The following QKI variants were observed in gnomAD, a reference collection of about 807,000 sequenced individuals.
QKI encodes the protein KH domain-containing RNA-binding protein QKI.
A neutral mutation model predicts 39.0 loss-of-function variants in QKI; 10 were observed. The ratio of observed to expected loss-of-function variants is 0.26; its 90% CI spans 0.16 to 0.43. The LOEUF (loss-of-function observed/expected upper bound fraction) is 0.43, where lower values mean the gene tolerates loss of function less well. QKI is among the 20% of genes least tolerant of loss of function. The probability of loss-of-function intolerance (pLI) is 1.00; values close to 1 mark genes in which losing one functional copy is unlikely to be tolerated. For synonymous variants in QKI, 204 were observed against 155.4 expected (o/e 1.31, Z -2.33); for missense variants, 218 against 428.0 (o/e 0.51, Z 4.33).
At chr6:163,554,667 G>A (rs534786191) in intron 4 of QKI, among the ~76,000 whole-genome samples, 13 of 152,146 alleles carry the variant, frequency 8.5e-5, no homozygotes, top group South Asian at 6.2e-4. Context: ...TGGAGCCACC[G>A]TCTACTTTAT....
intron 4 of QKI, among the ~76,000 whole-genome samples, chr6:163,558,300 C>A (rs550010521): frequency 1.3e-5 from 2 of 152,200 alleles, no homozygotes; most frequent in African/African-American, 4.8e-5. Context: ...GTACGTACTA[C>A]CAAATCTCAT....
intron 2 of QKI, among the ~76,000 whole-genome samples, chr6:163,466,847 A>G (rs1219994373): frequency 1.3e-5 from 2 of 152,150 alleles, no homozygotes. Flanking sequence ...CACCCAAAAA[A>G]CACAAGCAAC....
At chr6:163,439,340 G>GTTTTTTTTTTTT (rs573449244) in intron 1 of QKI, among the ~76,000 whole-genome samples, 1 of 107,712 alleles carries the variant, frequency 9.3e-6, no homozygotes, top group Non-Finnish European at 2.0e-5. Flanking sequence ...GTTTTTTTTT[G>GTTTTTTTTTTTT]TTTTTTTTTT....
At chr6:163,555,831 G>GT (rs770728373) in intron 4 of QKI, among the ~76,000 whole-genome samples, 21 of 151,522 alleles carry the variant, frequency 1.4e-4, no homozygotes, top group South Asian at 2.1e-4. Context: ...CTTTGTTGTA[G>GT]TTTTTTTTTA....
intron 2 of QKI, among the ~76,000 whole-genome samples, chr6:163,472,764 AT>A (rs1792297128): frequency 6.6e-6 from 1 of 152,172 alleles, no homozygotes; most frequent in African/African-American, 2.4e-5. Flanking sequence ...ATATTTAAAT[AT>A]TTAGTAGATG....
rs375000631 is a variant in QKI at position 163,563,679 on chromosome 6, A to G, written c.894A>G (p.Thr298=). Residue 298 remains threonine, a synonymous_variant, in exon 6 of 8, where the codon ACA becomes ACG. Transcript: ENST00000361752. ...ACCCCTACACATTGGCACCAGCTACATCAATCCTTGAGTATCCTATTGAAC... is the reference window on the plus strand; with the variant it reads ...ACCCCTACACATTGGCACCAGCTACGTCAATCCTTGAGTATCCTATTGAAC... ...YEYPYTLAPA[T]SILEYPIEPS... The G allele has an allele frequency of 6.2e-7, 1 of 1,614,166 alleles. No individual in the cohort carries two copies. The highest frequency in any genetic ancestry group is 2.2e-5 in the East Asian group (1 of 44,878).
intron 1 of QKI, among the ~76,000 whole-genome samples, chr6:163,417,606 C>G (rs1203883323): frequency 1.3e-5 from 2 of 152,120 alleles, no homozygotes; most frequent in Non-Finnish European, 2.9e-5. Flanking sequence ...TTGTCTCTGA[C>G]AAAGGCTTAT....
At chr6:163,567,986 A>G (rs1424254138) in intron 7 of QKI, 6 of 985,454 alleles carry the variant, frequency 6.1e-6, no homozygotes, top group Non-Finnish European at 4.8e-6. Flanking sequence ...CATAATCCAT[A>G]AAGAACGTTG....
At chr6:163,420,372 C>T (rs1787902560) in intron 1 of QKI, among the ~76,000 whole-genome samples, 2 of 151,992 alleles carry the variant, frequency 1.3e-5, no homozygotes, top group South Asian at 4.1e-4. Context: ...TTGCCCTTCT[C>T]TGTTGGAGAT....
rs1465410516 is a variant in QKI, at chr6:163,456,248, C to CT, written c.285+836dup. 1.2e-4 allele frequency among the ~76,000 whole-genome samples: 18 copies of CT among 151,566 alleles called. 1 individual carries two copies. The South Asian group carries it at 1.3e-3, about 11-fold the overall frequency. ...CTAGCTACTCACTGTTTCACGTTGT[C>CT]TTTTTTTTTCTTTGCAATAGCACTT... On this transcript the variant is annotated intron_variant, in intron 2 of 7. Coordinates refer to ENST00000361752, the MANE Select transcript of QKI (RefSeq NM_006775.3).
At chr6:163,570,654 C>T (rs1554281192) in intron 7 of QKI, 40 bp from the exon 8 acceptor site, 2 of 1,601,616 alleles carry the variant, frequency 1.2e-6, no homozygotes, top group Non-Finnish European at 1.7e-6. Flanking sequence ...CTTTTCTTTT[C>T]TTTTTTTTGT....
At chr6:163,426,062 A>G (rs1426381191) in intron 1 of QKI, among the ~76,000 whole-genome samples, 2 of 152,186 alleles carry the variant, frequency 1.3e-5, no homozygotes, top group Non-Finnish European at 2.9e-5. Flanking sequence ...ACTTCCTTAC[A>G]TAGTGACATT....
intron 3 of QKI, among the ~76,000 whole-genome samples, chr6:163,514,869 A>G (rs1779696082): frequency 6.6e-6 from 1 of 152,176 alleles, no homozygotes; most frequent in African/African-American, 2.4e-5. Flanking sequence ...TAGAAAACTT[A>G]TAAAGGAATA....
chr6:163,449,041 T>C (rs1421016681), intron 1 of QKI, among the ~76,000 whole-genome samples: 2 of 152,158 alleles, frequency 1.3e-5, no homozygotes, highest in East Asian at 3.8e-4. Flanking sequence ...GTTTTAAGAT[T>C]TAATGAGTAT....
intron 2 of QKI, among the ~76,000 whole-genome samples, chr6:163,470,498 G>A (rs1002609218): frequency 6.6e-6 from 1 of 152,050 alleles, no homozygotes; most frequent in Non-Finnish European, 1.5e-5. Flanking sequence ...ATTTTTATAA[G>A]CTATTTAGTT....
At chr6:163,509,080 G>A (rs2128234412) in intron 3 of QKI, among the ~76,000 whole-genome samples, 1 of 152,250 alleles carries the variant, frequency 6.6e-6, no homozygotes, top group East Asian at 2.0e-4. Flanking sequence ...CGGAGTTGCA[G>A]TGAGCCAAGA....
At chr6:163,427,550 A>G (rs1788508622) in intron 1 of QKI, among the ~76,000 whole-genome samples, 1 of 151,752 alleles carries the variant, frequency 6.6e-6, no homozygotes, top group South Asian at 2.1e-4. Context: ...TGACTTTTTG[A>G]TGCTGTCATT....
At chr6:163,430,636 T>TG (rs1354761387) in intron 1 of QKI, among the ~76,000 whole-genome samples, 1 of 152,184 alleles carries the variant, frequency 6.6e-6, no homozygotes, top group East Asian at 1.9e-4. Context: ...ATAGATTAGT[T>TG]GTCAGCATAT....
chr6:163,534,669 ATAC>A (rs1781083252), intron 3 of QKI, among the ~76,000 whole-genome samples: 1 of 152,198 alleles, frequency 6.6e-6, no homozygotes, highest in African/African-American at 2.4e-5. Flanking sequence ...ATGTTGTATG[ATAC>A]TACATACATG....
Sources: allele counts gnomAD v4.1 joint callset (sites outside exome capture counted in the v4.1 genomes callset), GRCh38; gene constraint gnomAD v4.1.1; transcripts MANE v1.5; gene names NCBI Gene and HGNC (gene_info 2026-07-23, HGNC 2026-07-21).